Variants in KIF26B observed in about 807,000 individuals in gnomAD.
KIF26B encodes the protein kinesin-like protein KIF26B.
In KIF26B, 63 loss-of-function variants were observed where a neutral mutation model predicts 151.2. That is an observed-to-expected ratio of 0.42 (90% CI 0.34 to 0.51). KIF26B has a LOEUF of 0.51. KIF26B is among the 20% of genes least tolerant of loss of function. The pLI is 0.07. For missense variants in KIF26B, 2,813 were observed against 2,913.6 expected (o/e 0.97, Z 0.79); for synonymous variants, 1,357 against 1,262.1 (o/e 1.08, Z -1.59).
chr1:245,398,708 A>G (rs1673920917), intron 3 of KIF26B, among the ~76,000 whole-genome samples: 1 of 152,006 alleles, frequency 6.6e-6, no homozygotes. Flanking sequence ...TGCCCTCTGT[A>G]AAGTCCTCAA....
intron 2 of KIF26B, among the ~76,000 whole-genome samples, chr1:245,265,587 C>CTT (rs34317893): frequency 5.7e-5 from 8 of 140,828 alleles, no homozygotes; most frequent in East Asian, 2.0e-4. Flanking sequence ...TAGAGAATGA[C>CTT]TTTTTTTTTT....
At chr1:245,205,661 G>GACAGA (rs1253278713) in intron 2 of KIF26B, among the ~76,000 whole-genome samples, 1 of 151,918 alleles carries the variant, frequency 6.6e-6, no homozygotes, top group African/African-American at 2.4e-5. Flanking sequence ...GTGCTGGGCT[G>GACAGA]ACAGAACAGA....
chr1:245,596,034 CT>C (rs2043333339), intron 5 of KIF26B, among the ~76,000 whole-genome samples: 1 of 152,000 alleles, frequency 6.6e-6, no homozygotes, highest in African/African-American at 2.4e-5. Flanking sequence ...TTTATTGTGT[CT>C]ATTTGATTCT....
At chr1:245,520,690 T>G (rs1661081894) in intron 4 of KIF26B, among the ~76,000 whole-genome samples, 1 of 151,946 alleles carries the variant, frequency 6.6e-6, no homozygotes, top group Non-Finnish European at 1.5e-5. Context: ...GAGTATCCAC[T>G]GCATAGCATG....
chr1:245,479,605 G>T (rs377123159), intron 4 of KIF26B, among the ~76,000 whole-genome samples: 1 of 151,828 alleles, frequency 6.6e-6, no homozygotes, highest in East Asian at 1.9e-4. Context: ...ACCTAACTTG[G>T]CTAATTTGCA....
At chr1:245,689,502 C>G (rs1199066510) in intron 12 of KIF26B, among the ~76,000 whole-genome samples, 2 of 152,218 alleles carry the variant, frequency 1.3e-5, no homozygotes, top group Non-Finnish European at 2.9e-5. Flanking sequence ...TGCAGTGCCC[C>G]CCGCCACACA....
intron 2 of KIF26B, among the ~76,000 whole-genome samples, chr1:245,340,233 C>T (rs773776103): frequency 7.2e-5 from 11 of 152,088 alleles, no homozygotes; most frequent in South Asian, 2.1e-4. Flanking sequence ...ATGGTATTTG[C>T]GTATAACCCA....
intron 10 of KIF26B, among the ~76,000 whole-genome samples, chr1:245,650,717 GTGTTTCTAAACACTC>G (rs1237173707): frequency 1.3e-5 from 2 of 152,200 alleles, no homozygotes; most frequent in African/African-American, 2.4e-5. Context: ...TGCCAACACA[GTGTTTCTAAACACTC>G]TGTTTCTAAA....
At chr1:245,315,903 G>T in intron 2 of KIF26B, among the ~76,000 whole-genome samples, 1 of 151,970 alleles carries the variant, frequency 6.6e-6, no homozygotes, top group South Asian at 2.1e-4. Context: ...GGTTCAAATG[G>T]CAAATTTTAT....
At chr1:245,414,100 C>A (rs1674359393) in intron 3 of KIF26B, among the ~76,000 whole-genome samples, 1 of 152,210 alleles carries the variant, frequency 6.6e-6, no homozygotes, top group Non-Finnish European at 1.5e-5. Flanking sequence ...AGAGATGGGG[C>A]TGGAGAAGGG....
At chr1:245,544,258 A>C (rs924055737) in intron 5 of KIF26B, among the ~76,000 whole-genome samples, 1 of 152,198 alleles carries the variant, frequency 6.6e-6, no homozygotes, top group African/African-American at 2.4e-5. Flanking sequence ...AACATAAATA[A>C]TTGGCGCTAT....
intron 2 of KIF26B, among the ~76,000 whole-genome samples, chr1:245,191,580 G>A: frequency 6.6e-6 from 1 of 152,116 alleles, no homozygotes; most frequent in East Asian, 1.9e-4. Flanking sequence ...TATCACAAGA[G>A]AAAATATAGA....
At chr1:245,549,027 T>C (rs1628115) in intron 5 of KIF26B, among the ~76,000 whole-genome samples, 115,426 of 152,136 alleles carry the variant, frequency 0.76, 43,940 homozygotes, top group Middle Eastern at 0.81. Context: ...CAGGTGTGAG[T>C]CACAGCGCCC....
intron 2 of KIF26B, among the ~76,000 whole-genome samples, chr1:245,231,481 G>A (rs1264048066): frequency 6.6e-6 from 1 of 152,030 alleles, no homozygotes; most frequent in Non-Finnish European, 1.5e-5. Flanking sequence ...GTGCCACTGC[G>A]CTCTAGCCTG....
chr1:245,649,093 C>A (rs1310242484), intron 10 of KIF26B, among the ~76,000 whole-genome samples: 2 of 152,208 alleles, frequency 1.3e-5, no homozygotes, highest in Admixed American at 1.3e-4. Flanking sequence ...TGTTCTGTCA[C>A]CCCTCAGTGT....
intron 2 of KIF26B, among the ~76,000 whole-genome samples, chr1:245,339,547 TATC>T (rs1008918491): frequency 4.6e-5 from 7 of 152,218 alleles, no homozygotes; most frequent in Non-Finnish European, 1.0e-4. Context: ...ATATGTATAT[TATC>T]ATAAAATAGG....
chr1:245,364,970 T>G (rs1035736276), intron 2 of KIF26B, among the ~76,000 whole-genome samples: 4 of 152,250 alleles, frequency 2.6e-5, no homozygotes, highest in Non-Finnish European at 4.4e-5. Flanking sequence ...GGAACCCTTC[T>G]GTGTCCGTGG....
chr1:245,291,717 G>A (rs566515875), intron 2 of KIF26B, among the ~76,000 whole-genome samples: 1 of 152,360 alleles, frequency 6.6e-6, no homozygotes, highest in East Asian at 1.9e-4. Flanking sequence ...GGTAACAGAG[G>A]GGACCTGCCT....
chr1:245,343,312 A>C (rs917009044), intron 2 of KIF26B, among the ~76,000 whole-genome samples: 3 of 152,054 alleles, frequency 2.0e-5, no homozygotes, highest in African/African-American at 7.2e-5. Flanking sequence ...GGGCCACCTC[A>C]TGCCTTTAAT....
Sources: allele counts gnomAD v4.1 joint callset (sites outside exome capture counted in the v4.1 genomes callset), GRCh38; gene constraint gnomAD v4.1.1; transcripts MANE v1.5; gene names NCBI Gene and HGNC (gene_info 2026-07-23, HGNC 2026-07-21).